Variants in HAO2 observed in about 807,000 individuals in gnomAD.
The protein encoded by HAO2 is hydroxyacid oxidase 2.
A neutral mutation model predicts 37.4 loss-of-function variants in HAO2; 42 were observed. The observed-to-expected ratio is 1.12, with a 90% CI of 0.88 to 1.45. The LOEUF is 1.45. HAO2 is among the 40% of genes most tolerant of loss of function. The pLI is 0.00. For missense variants in HAO2, 476 were observed against 430.2 expected, an observed-to-expected ratio of 1.11 and a Z score of -0.94; for synonymous variants, 180 against 162.8, an observed-to-expected ratio of 1.11 and a Z score of -0.81.
intron 5 of HAO2, among the ~76,000 whole-genome samples, chr1:119,390,417 A>T (rs1178648537): frequency 6.6e-6 from 1 of 151,854 alleles, no homozygotes; most frequent in Non-Finnish European, 1.5e-5. Context: ...ACGCCTGGTT[A>T]TTTGCATTTT....
At chr1:119,376,335 A>G (rs587663975) in intron 1 of HAO2, among the ~76,000 whole-genome samples, 4 of 152,344 alleles carry the variant, frequency 2.6e-5, no homozygotes, top group African/African-American at 9.6e-5. Flanking sequence ...CATCCAGGTC[A>G]CACTGATGCA....
At chr1:119,375,584 C>T (rs1465076394) in intron 1 of HAO2, among the ~76,000 whole-genome samples, 6 of 152,112 alleles carry the variant, frequency 3.9e-5, no homozygotes, top group Non-Finnish European at 5.9e-5. Flanking sequence ...GAGTTCAGAA[C>T]CATCTCTCAT....
chr1:119,386,493 A>G, intron 4 of HAO2, 129 bp from the exon 5 acceptor site: 2 of 653,648 alleles, frequency 3.1e-6, no homozygotes, highest in South Asian at 3.6e-5. Flanking sequence ...GGCATGAGCC[A>G]CCATGCCCAG....
intron 7 of HAO2, 68 bp downstream of exon 7, chr1:119,392,755 C>T (rs1557859018): frequency 3.1e-6 from 3 of 960,532 alleles, no homozygotes; most frequent in Non-Finnish European, 5.1e-6. Context: ...AGCAGCAGTC[C>T]TTCCCTCTAG....
chr1:119,389,998 C>T (rs587624038), intron 5 of HAO2, among the ~76,000 whole-genome samples: 2 of 152,182 alleles, frequency 1.3e-5, no homozygotes, highest in South Asian at 2.1e-4. Flanking sequence ...GTTTCATTGT[C>T]CTACATGTGG....
intron 5 of HAO2, among the ~76,000 whole-genome samples, chr1:119,388,061 G>A (rs944823084): frequency 6.6e-6 from 1 of 152,128 alleles, no homozygotes; most frequent in African/African-American, 2.4e-5. Flanking sequence ...GAAGTGGTTG[G>A]GTCTCCTGCT....
chr1:119,391,954 C>T (rs913886542), intron 5 of HAO2, among the ~76,000 whole-genome samples, 156 bp from the exon 6 acceptor site: 5 of 152,042 alleles, frequency 3.3e-5, no homozygotes, highest in African/African-American at 9.7e-5. Flanking sequence ...ATGTGACTGC[C>T]GCTGCAGTTG....
At chr1:119,392,565 C>T in intron 6 of HAO2, 53 bp from the exon 7 acceptor site, 1 of 1,161,562 alleles carries the variant, frequency 8.6e-7, no homozygotes, top group Non-Finnish European at 1.3e-6. Context: ...AGTGGATGGT[C>T]AGAATGTTCC....
In HAO2 at chr1:119,386,700, A is replaced by G. The variant is rs749161995; in HGVS notation, c.640A>G (p.Ile214Val). 6.9e-5 allele frequency: 112 copies of G among 1,613,256 alleles called. 1 individual carries two copies. In the East Asian group the frequency reaches 2.4e-3, roughly 34 times the overall value. Residue 214 changes from isoleucine to valine, a missense_variant, in exon 5 of 8, where the codon ATA becomes GTA. By Grantham distance (29) the Ile-to-Val change is conservative. Coordinates refer to ENST00000325945, the MANE Select transcript of HAO2 (RefSeq NM_016527.4). ...GAATGATCTCTCCTGGTTTCAGAGCATAACTCGATTGCCCATCATCCTGAA... is the reference window on the plus strand; with the variant it reads ...GAATGATCTCTCCTGGTTTCAGAGCGTAACTCGATTGCCCATCATCCTGAA... ...CWNDLSWFQS[I>V]TRLPIILKGI...
In HAO2 at chr1:119,386,827, C is replaced by A. The variant is rs1161152509; in HGVS notation, c.767C>A (p.Ala256Asp). 5 of 1,597,800 alleles carry A rather than the reference C, an allele frequency of 3.1e-6. No homozygotes were observed. Among genetic ancestry groups the A allele is most frequent in the Non-Finnish European group, 4.3e-6 (5 of 1,165,310 alleles). The part of the protein sequence containing the change: ...HGGRQLDEVL[A>D]SIDALTEVVA... ...GGGAGGCAGCTTGATGAGGTTCTTGCTTCAGTAAGTAGGATTACTTCAGAG... is the reference window on the plus strand; with the variant it reads ...GGGAGGCAGCTTGATGAGGTTCTTGATTCAGTAAGTAGGATTACTTCAGAG... The change falls in exon 5 of 8, where the codon GCT becomes GAT. Residue 256 changes from alanine (A) to aspartate (D), a missense_variant. Transcript: ENST00000325945.
chr1:119,392,019 CTCAGCTTGGT>C, intron 5 of HAO2, 81 bp from the exon 6 acceptor site: 1 of 1,180,250 alleles, frequency 8.5e-7, no homozygotes, highest in Admixed American at 2.2e-5. Context: ...AGGGCGTCTC[CTCAGCTTGGT>C]TTTCCTGGTC....
At chr1:119,377,121 A>G (rs1381776390) in intron 1 of HAO2, among the ~76,000 whole-genome samples, 1 of 152,190 alleles carries the variant, frequency 6.6e-6, no homozygotes, top group African/African-American at 2.4e-5. Context: ...AATAAGTTTC[A>G]ATTTTAAACC....
In HAO2 at chr1:119,376,243, C is replaced by T. The variant is rs587716319; in HGVS notation, c.-8-4835C>T. On this transcript the variant is annotated intron_variant, in intron 1 of 7. Coordinates refer to ENST00000325945, the MANE Select transcript of HAO2 (RefSeq NM_016527.4). ...GGAGAAATTAGACAAATCAAAGGTG[C>T]TACGGCCCCATGCAAGTCTAAAATC... Among the ~76,000 whole-genome samples, 4 of 152,274 alleles carry T rather than the reference C, an allele frequency of 2.6e-5. No homozygotes were observed. In the South Asian group the frequency reaches 8.3e-4, roughly 32 times the overall value.
At chr1:119,375,576 G>A (rs1649392251) in intron 1 of HAO2, among the ~76,000 whole-genome samples, 2 of 152,138 alleles carry the variant, frequency 1.3e-5, no homozygotes, top group African/African-American at 4.8e-5. Flanking sequence ...GGACACATGA[G>A]TTCAGAACCA....
chr1:119,377,806 G>A (rs1012940428), intron 1 of HAO2, among the ~76,000 whole-genome samples: 1 of 152,120 alleles, frequency 6.6e-6, no homozygotes, highest in Admixed American at 6.5e-5. Context: ...GTGGCTCATG[G>A]CTGTAATCCC....
At chr1:119,379,980 C>T (rs1481389162) in intron 1 of HAO2, among the ~76,000 whole-genome samples, 9 of 152,140 alleles carry the variant, frequency 5.9e-5, no homozygotes, top group African/African-American at 1.7e-4. Context: ...TGGTTGAAGC[C>T]CTAGTTACTG....
At position 119,386,620 on chromosome 1, in the gene HAO2, A is replaced by C; in HGVS notation, c.562-2A>C. 6.4e-7 allele frequency: 1 copy of C among 1,565,364 alleles called. No individual in the cohort carries two copies. Among genetic ancestry groups the C allele is most frequent in the Non-Finnish European group, 8.8e-7 (1 of 1,135,696 alleles). The stretch of plus-strand genomic sequence containing the variant: ...ACTAAGTTCCCTTTTTATTTCCTAT[A>C]GGGAAATGCAATACCTTATTTCCAG... On this transcript the variant is annotated splice_acceptor_variant, in intron 4 of 7. Transcript: ENST00000325945. LOFTEE classifies it high-confidence loss of function.
chr1:119,379,643 C>T (rs1044762104), intron 1 of HAO2, among the ~76,000 whole-genome samples: 1 of 152,162 alleles, frequency 6.6e-6, no homozygotes, highest in African/African-American at 2.4e-5. Flanking sequence ...GTTCTCTCCT[C>T]ACTCACTGGC....
At chr1:119,390,371 CCT>C (rs1650783272) in intron 5 of HAO2, among the ~76,000 whole-genome samples, 1 of 152,138 alleles carries the variant, frequency 6.6e-6, no homozygotes, top group Non-Finnish European at 1.5e-5. Flanking sequence ...CCTGCCTTAG[CCT>C]CCCAAGTAGC....
Sources: gnomAD v4.1 joint callset for allele counts (sites outside exome capture counted in the v4.1 genomes callset) on GRCh38, gnomAD v4.1.1 for gene constraint, MANE v1.5 for transcripts, NCBI Gene and HGNC (gene_info 2026-07-23, HGNC 2026-07-21) for gene names.